Variants in LHFPL3 observed in about 807,000 individuals in gnomAD.
LHFPL3 encodes the protein LHFPL tetraspan subfamily member 3, also known as LHFPL tetraspan subfamily member 3 protein.
Under a neutral mutation model 19.3 loss-of-function variants are expected in LHFPL3, and 5 were observed. The ratio of observed to expected loss-of-function variants is 0.26; its 90% CI spans 0.14 to 0.54. The LOEUF is 0.54. LHFPL3 is among the 20% of genes least tolerant of loss of function. The pLI, the probability that LHFPL3 is intolerant of heterozygous loss-of-function variation, is 0.94. For synonymous variants in LHFPL3, 133 were observed against 126.2 expected, an observed-to-expected ratio of 1.05 and a Z score of -0.36; for missense variants, 249 against 307.4, an observed-to-expected ratio of 0.81 and a Z score of 1.42.
At chr7:104,591,617 A>ATC (rs1223884768) in intron 1 of LHFPL3, among the ~76,000 whole-genome samples, 1 of 152,110 alleles carries the variant, frequency 6.6e-6, no homozygotes, top group Non-Finnish European at 1.5e-5. Flanking sequence ...CTCGAGGAGT[A>ATC]TCTTTGTGGC....
chr7:104,501,318 G>A (rs916472534), intron 1 of LHFPL3, among the ~76,000 whole-genome samples: 1 of 152,146 alleles, frequency 6.6e-6, no homozygotes, highest in East Asian at 1.9e-4. Flanking sequence ...TAATTTAAAA[G>A]CTATTAAGTA....
chr7:104,435,066 ATTAAAT>A (rs1188140922), intron 1 of LHFPL3, among the ~76,000 whole-genome samples: 1 of 152,146 alleles, frequency 6.6e-6, no homozygotes, highest in Non-Finnish European at 1.5e-5. Context: ...TCACAATGAC[ATTAAAT>A]TTAAGGAAAA....
chr7:104,770,486 A>G (rs1010839319), intron 2 of LHFPL3, among the ~76,000 whole-genome samples: 3 of 152,234 alleles, frequency 2.0e-5, no homozygotes, highest in Non-Finnish European at 4.4e-5. Context: ...TTTCTCTGAG[A>G]ATATCCAAAT....
chr7:104,701,293 T>C (rs1584487292), intron 1 of LHFPL3, among the ~76,000 whole-genome samples: 2 of 152,086 alleles, frequency 1.3e-5, no homozygotes, highest in African/African-American at 4.8e-5. Flanking sequence ...CCTTGAACAA[T>C]GCAGGGATTA....
chr7:104,629,357 G>C (rs1367747940), intron 1 of LHFPL3, among the ~76,000 whole-genome samples: 2 of 151,998 alleles, frequency 1.3e-5, no homozygotes, highest in Non-Finnish European at 2.9e-5. Flanking sequence ...ATTGGCCACT[G>C]TTCATGATTC....
In LHFPL3 at chr7:104,651,508, A is replaced by G. The variant is rs78135395; in HGVS notation, c.446-85167A>G. ...GTGGATCAAATGCTTGCCCTGGCACATGCCCTCAGCATTTCAGTTTGTGAA... is the reference window on the plus strand; with the variant it reads ...GTGGATCAAATGCTTGCCCTGGCACGTGCCCTCAGCATTTCAGTTTGTGAA... On this transcript the variant is annotated intron_variant, in intron 1 of 2. Transcript: ENST00000424859. Among the ~76,000 whole-genome samples the G allele has an allele frequency of 4.5e-3, 680 of 152,356 alleles. 40 individuals are homozygous for G. In the East Asian group the frequency reaches 0.11, roughly 25 times the overall value.
In LHFPL3 at chr7:104,328,747, AG is replaced by A. The variant is rs774436369; in HGVS notation, c.-31del. On this transcript the variant is annotated 5_prime_UTR_variant, in exon 1 of 3. Transcript: ENST00000424859. This position sits in a 1 kb window ranked among gnomAD's most constrained non-coding sequence, Gnocchi z 4.6. The stretch of plus-strand genomic sequence containing the variant: ...GAGAGGCGGGGGGAGGCGGAGGACC[AG>A]GAGGAGGAGGAGGAGGAGGAGGAGG... 6.4e-5 allele frequency: 32 copies of A among 496,446 alleles called. No homozygotes were observed. Among genetic ancestry groups the A allele is most frequent in the Admixed American group, 1.0e-4 (1 of 9,706 alleles). The allele number at this position is 496,446 out of a possible 1,614,324, so 30.8% of individuals were successfully genotyped here.
chr7:104,900,401 TG>T (rs1333740292), intron 2 of LHFPL3, among the ~76,000 whole-genome samples: 2 of 152,248 alleles, frequency 1.3e-5, no homozygotes, highest in African/African-American at 2.4e-5. Context: ...GAGAAAGTGT[TG>T]TGCCTTGTGT....
chr7:104,780,566 T>C (rs1794701092), intron 2 of LHFPL3, among the ~76,000 whole-genome samples: 1 of 152,082 alleles, frequency 6.6e-6, no homozygotes, highest in Non-Finnish European at 1.5e-5. Flanking sequence ...GGGAAAAGAT[T>C]CTTTGAGATT....
intron 2 of LHFPL3, chr7:104,895,679 G>C (rs557503369): frequency 3.7e-4 from 57 of 152,266 alleles, no homozygotes; most frequent in African/African-American, 1.3e-3. Context: ...GCTTTTCAGT[G>C]GGGGGAGTGG....
chr7:104,492,780 C>T (rs1052575087), intron 1 of LHFPL3, among the ~76,000 whole-genome samples: 5 of 152,220 alleles, frequency 3.3e-5, no homozygotes, highest in East Asian at 3.9e-4. Context: ...AACCCACCCT[C>T]TCTCCTTTCC....
chr7:104,591,681 G>T (rs1790726555), intron 1 of LHFPL3, among the ~76,000 whole-genome samples: 1 of 152,294 alleles, frequency 6.6e-6, no homozygotes, highest in South Asian at 2.1e-4. Context: ...GGTTGGGGAA[G>T]TTCTCCTAGA....
intron 1 of LHFPL3, among the ~76,000 whole-genome samples, chr7:104,381,624 C>T (rs1329974805): frequency 6.6e-6 from 1 of 151,888 alleles, no homozygotes; most frequent in African/African-American, 2.4e-5. Context: ...TGCACTAGTT[C>T]TGGATATAAA....
At chr7:104,597,314 G>A (rs1231183276) in intron 1 of LHFPL3, among the ~76,000 whole-genome samples, 1 of 152,084 alleles carries the variant, frequency 6.6e-6, no homozygotes, top group Admixed American at 6.5e-5. Flanking sequence ...TGTCTTTAGA[G>A]TTAACTAAAA....
chr7:104,419,770 G>A (rs1791690368), intron 1 of LHFPL3, among the ~76,000 whole-genome samples: 1 of 152,202 alleles, frequency 6.6e-6, no homozygotes, highest in Non-Finnish European at 1.5e-5. Context: ...GGAAAGGCTA[G>A]AGAGGATGAG....
At chr7:104,400,149 ACT>A (rs1481219062) in intron 1 of LHFPL3, among the ~76,000 whole-genome samples, 6 of 111,174 alleles carry the variant, frequency 5.4e-5, no homozygotes, top group Admixed American at 3.3e-4. Context: ...AAAAAAAAAG[ACT>A]CTACAGGAGA....
chr7:104,521,414 T>C (rs1170915542), intron 1 of LHFPL3, among the ~76,000 whole-genome samples: 1 of 152,144 alleles, frequency 6.6e-6, no homozygotes, highest in African/African-American at 2.4e-5. Context: ...CTGAAAAAAA[T>C]GTATATTCTG....
chr7:104,666,733 G>A (rs1172453914), intron 1 of LHFPL3, among the ~76,000 whole-genome samples: 4 of 150,840 alleles, frequency 2.7e-5, no homozygotes, highest in African/African-American at 9.7e-5. Context: ...GTTTTTAGCC[G>A]GGATGGTCTC....
intron 1 of LHFPL3, among the ~76,000 whole-genome samples, chr7:104,615,771 C>A (rs371622203): frequency 2.2e-4 from 33 of 151,710 alleles, no homozygotes; most frequent in African/African-American, 7.3e-4. Flanking sequence ...TGAGAACATG[C>A]GGTGTTTGGT....
Sources: allele counts gnomAD v4.1 joint callset (sites outside exome capture counted in the v4.1 genomes callset), GRCh38; gene constraint gnomAD v4.1.1; non-coding constraint Gnocchi (gnomAD v3.1); transcripts MANE v1.5; gene names NCBI Gene and HGNC (gene_info 2026-07-23, HGNC 2026-07-21).